The following PPFIBP1 variants were observed in gnomAD, a reference collection of about 807,000 sequenced individuals.
PPFIBP1 encodes the protein PPFIB scaffold protein 1.
Under a neutral mutation model 137.8 loss-of-function variants are expected in PPFIBP1, and 112 were observed. That is an observed-to-expected ratio of 0.81 (90% CI 0.70 to 0.95). The LOEUF (loss-of-function observed/expected upper bound fraction) is 0.95. Ranked by LOEUF, PPFIBP1 falls within the 40% of genes least tolerant of loss-of-function variation. The pLI is 0.00. For synonymous variants in PPFIBP1, 378 were observed against 417.3 expected (o/e 0.91, Z 1.15); for missense variants, 1,083 against 1,196.6 (o/e 0.91, Z 1.40).
At chr12:27,609,510 A>ACCAACTC (rs754225531) in intron 2 of PPFIBP1, among the ~76,000 whole-genome samples, 8 of 152,064 alleles carry the variant, frequency 5.3e-5, no homozygotes, top group Non-Finnish European at 1.0e-4. Flanking sequence ...TGTCCAGTCT[A>ACCAACTC]CCAACTCCCA....
chr12:27,677,358 C>A, intron 19 of PPFIBP1: 1 of 544,054 alleles, frequency 1.8e-6, no homozygotes, highest in Non-Finnish European at 3.3e-6. Context: ...TGCAGCATCC[C>A]TCAGAGTGCA....
chr12:27,661,422 GGCATGGGCTTTAC>G (rs2059541117), intron 11 of PPFIBP1, among the ~76,000 whole-genome samples: 1 of 152,084 alleles, frequency 6.6e-6, no homozygotes, highest in Non-Finnish European at 1.5e-5. Flanking sequence ...AGAAAACAGC[GGCATGGGCTTTAC>G]GTTAGCTACA....
chr12:27,587,622 CA>C (rs35185831), intron 2 of PPFIBP1, among the ~76,000 whole-genome samples: 115 of 73,510 alleles, frequency 1.6e-3, no homozygotes, highest in East Asian at 4.6e-3. Context: ...GACTCCATCT[CA>C]AAAAAAAAAA....
intron 1 of PPFIBP1, among the ~76,000 whole-genome samples, chr12:27,545,937 C>G (rs1946198275): frequency 6.6e-6 from 1 of 152,192 alleles, no homozygotes; most frequent in Admixed American, 6.5e-5. Context: ...CCCTCAGCCT[C>G]TTGTCAGCTG....
At chr12:27,648,205 C>G (rs2058658192) in intron 6 of PPFIBP1, among the ~76,000 whole-genome samples, 1 of 152,024 alleles carries the variant, frequency 6.6e-6, no homozygotes, top group African/African-American at 2.4e-5. Flanking sequence ...ATAGACATTT[C>G]TCAAAAGAAG....
intron 2 of PPFIBP1, among the ~76,000 whole-genome samples, chr12:27,605,291 G>A (rs1476857786): frequency 1.3e-5 from 2 of 152,086 alleles, no homozygotes; most frequent in African/African-American, 4.8e-5. Context: ...ACAAAAGGGG[G>A]CAATATTTTT....
At chr12:27,525,513 GAAAAAAAAAAAA>G (rs56656340) in intron 1 of PPFIBP1, among the ~76,000 whole-genome samples, 3 of 93,758 alleles carry the variant, frequency 3.2e-5, no homozygotes, top group Non-Finnish European at 6.3e-5. Flanking sequence ...GAGCAGGAAG[GAAAAAAAAAAAA>G]AAAAAAAAAA....
chr12:27,544,703 C>T (rs141700062), intron 1 of PPFIBP1, among the ~76,000 whole-genome samples: 1,728 of 152,272 alleles, frequency 0.011, 13 homozygotes, highest in Non-Finnish European at 0.017. Flanking sequence ...TACCATCTCA[C>T]GCCCGTTAGA....
At chr12:27,610,881 T>C (rs1053538221) in intron 2 of PPFIBP1, among the ~76,000 whole-genome samples, 3 of 151,784 alleles carry the variant, frequency 2.0e-5, no homozygotes, top group Non-Finnish European at 4.4e-5. Flanking sequence ...AGTTCAGTTA[T>C]TTTTCTTTTT....
At chr12:27,645,754 G>GCCTGCC (rs1303848449) in intron 4 of PPFIBP1, among the ~76,000 whole-genome samples, 1 of 152,178 alleles carries the variant, frequency 6.6e-6, no homozygotes, top group African/African-American at 2.4e-5. Flanking sequence ...ACAAAGCTTT[G>GCCTGCC]CCTGCCCCTG....
Position 27,592,720 on chromosome 12 carries a change from C to T in PPFIBP1, c.-36+14481C>T, listed in dbSNP as rs1210487419. The T allele has an allele frequency of 3.5e-6, 4 of 1,140,878 alleles. No homozygotes were observed. The East Asian group carries it at 7.1e-5, about 20-fold the overall frequency. The allele number at this position is 1,140,878 out of a possible 1,614,324, so 70.7% of individuals were successfully genotyped here. On this transcript the variant is annotated intron_variant, in intron 2 of 29. Transcript: ENST00000228425. ...GATTGAGATCTCTGGAGCACTTGTC[C>T]TTTGGCTGGCAGTTGCCTGGCTTAT...
At chr12:27,600,896 A>G (rs927469660) in intron 2 of PPFIBP1, among the ~76,000 whole-genome samples, 3 of 152,306 alleles carry the variant, frequency 2.0e-5, no homozygotes, top group Admixed American at 1.3e-4. Flanking sequence ...TTGGATACAT[A>G]TATATTGTGG....
At chr12:27,557,958 TG>T (rs2048838042) in intron 1 of PPFIBP1, among the ~76,000 whole-genome samples, 1 of 152,220 alleles carries the variant, frequency 6.6e-6, no homozygotes, top group African/African-American at 2.4e-5. Flanking sequence ...GCAGATCACT[TG>T]GTTGTTTAAG....
intron 2 of PPFIBP1, 49 bp from the exon 3 acceptor site, chr12:27,633,313 C>A (rs759362427): frequency 1.6e-6 from 2 of 1,288,914 alleles, no homozygotes; most frequent in South Asian, 2.5e-5. Context: ...AACCCACTAG[C>A]AAGCCTATGT....
intron 2 of PPFIBP1, among the ~76,000 whole-genome samples, chr12:27,581,981 C>CGTGTGTGTGTGTGTGTGT (rs971510071): frequency 7.0e-6 from 1 of 142,662 alleles, no homozygotes; most frequent in Non-Finnish European, 1.5e-5. Context: ...TGTGTGTGTA[C>CGTGTGTGTGTGTGTGTGT]GTATGTGTGT....
chr12:27,612,586 C>T (rs531703490), intron 2 of PPFIBP1, among the ~76,000 whole-genome samples: 4 of 152,000 alleles, frequency 2.6e-5, no homozygotes, highest in East Asian at 1.9e-4. Flanking sequence ...TGGGCTTAAG[C>T]GAGCCTCCCG....
chr12:27,644,702 G>A (rs1334738926), intron 4 of PPFIBP1, among the ~76,000 whole-genome samples: 1 of 152,118 alleles, frequency 6.6e-6, no homozygotes, highest in African/African-American at 2.4e-5. Flanking sequence ...TTAATGCTGG[G>A]CACTTCAGTT....
chr12:27,666,169 G>A (rs768960435), intron 12 of PPFIBP1, among the ~76,000 whole-genome samples: 11 of 152,292 alleles, frequency 7.2e-5, no homozygotes, highest in Admixed American at 2.0e-4. Flanking sequence ...GCATTTTTGT[G>A]TATTGTTTAT....
chr12:27,615,814 C>T (rs1362740654), intron 2 of PPFIBP1, among the ~76,000 whole-genome samples: 1 of 152,166 alleles, frequency 6.6e-6, no homozygotes, highest in Non-Finnish European at 1.5e-5. Flanking sequence ...ACACTCCAAT[C>T]CCTGCTGGTG....
Sources: gnomAD v4.1 joint callset for allele counts (sites outside exome capture counted in the v4.1 genomes callset) on GRCh38, gnomAD v4.1.1 for gene constraint, MANE v1.5 for transcripts, NCBI Gene and HGNC (gene_info 2026-07-23, HGNC 2026-07-21) for gene names.